ATP6V0A4: variants seen among roughly 807,000 people sequenced by gnomAD.
ATP6V0A4 encodes ATPase H+ transporting V0 subunit a4, also known as V-type proton ATPase 116 kDa subunit a 4.
A neutral mutation model predicts 107.3 loss-of-function variants in ATP6V0A4; 86 were observed. The observed-to-expected ratio is 0.80, with a 90% confidence interval of 0.67 to 0.96. ATP6V0A4 has a LOEUF of 0.96. Ranked by LOEUF, ATP6V0A4 falls within the 40% of genes least tolerant of loss-of-function variation. ATP6V0A4 has a pLI of 0.00. For synonymous variants in ATP6V0A4, 353 were observed against 381.4 expected (o/e 0.93, Z 0.87); for missense variants, 908 against 1,045.6 (o/e 0.87, Z 1.81).
chr7:138,777,637 C>T (rs1035666920), intron 2 of ATP6V0A4, among the ~76,000 whole-genome samples: 5,628 of 144,068 alleles, frequency 0.039, 162 homozygotes, highest in Non-Finnish European at 0.061. Context: ...AAAAAATACA[C>T]ACACACACAC....
At chr7:138,745,514 C>T (rs1477838401) in intron 13 of ATP6V0A4, among the ~76,000 whole-genome samples, 2 of 151,690 alleles carry the variant, frequency 1.3e-5, no homozygotes, top group Non-Finnish European at 2.9e-5. Flanking sequence ...AAACAAAAAC[C>T]ATATAGGCAA....
chr7:138,745,655 T>A (rs1805880878), intron 13 of ATP6V0A4, among the ~76,000 whole-genome samples: 1 of 27,716 alleles, frequency 3.6e-5, no homozygotes, highest in Non-Finnish European at 6.3e-5. Flanking sequence ...CCAGCCTGTG[T>A]CTCAAAAAAA....
intron 5 of ATP6V0A4, among the ~76,000 whole-genome samples, chr7:138,765,609 T>C (rs577881163): frequency 6.6e-6 from 1 of 152,138 alleles, no homozygotes; most frequent in South Asian, 2.1e-4. Flanking sequence ...TGCCAAAGGA[T>C]TCAACTCTCT....
At chr7:138,744,187 C>T (rs1444652905) in intron 14 of ATP6V0A4, among the ~76,000 whole-genome samples, 1 of 151,526 alleles carries the variant, frequency 6.6e-6, no homozygotes, top group Non-Finnish European at 1.5e-5. Context: ...CTGTCAGCCA[C>T]AGGACAAATA....
Position 138,762,360 on chromosome 7 carries a change from T to C in ATP6V0A4, c.492A>G (p.Ala164=), listed in dbSNP as rs201044613. Residue 164 remains alanine (A), a synonymous_variant, in exon 7 of 22, where the codon GCA becomes GCG. Coordinates refer to ENST00000310018, the MANE Select transcript of ATP6V0A4 (RefSeq NM_020632.3). Reference sequence around the variant, plus strand: ...CTAACCCCAACTTTCCGGTCATATATGCAGGCACTGCTTTCAACTCCAGGA... The same window carrying C: ...CTAACCCCAACTTTCCGGTCATATACGCAGGCACTGCTTTCAACTCCAGGA... ...SGLLELKAVP[A]YMTGKLGFIA... is the part of the protein sequence containing the mutation. The C allele has an allele frequency of 3.2e-5, 51 of 1,614,176 alleles. No homozygotes were observed. In the African/African-American group the frequency reaches 5.6e-4, roughly 18 times the overall value.
intron 20 of ATP6V0A4, among the ~76,000 whole-genome samples, chr7:138,711,944 C>T (rs1438635311): frequency 6.6e-6 from 1 of 151,946 alleles, no homozygotes; most frequent in Non-Finnish European, 1.5e-5. Flanking sequence ...CCTTTTTTTC[C>T]TTTTTCGAGA....
At chr7:138,752,010 T>C (rs1806253448) in intron 11 of ATP6V0A4, among the ~76,000 whole-genome samples, 1 of 151,914 alleles carries the variant, frequency 6.6e-6, no homozygotes, top group Non-Finnish European at 1.5e-5. Context: ...GAGGTCCCCA[T>C]CTTTAATAAG....
At chr7:138,777,322 A>T (rs1447524945) in intron 2 of ATP6V0A4, among the ~76,000 whole-genome samples, 1 of 151,502 alleles carries the variant, frequency 6.6e-6, no homozygotes. Flanking sequence ...TCACATTTTT[A>T]AAAATATTAT....
At chr7:138,747,329 T>G in intron 13 of ATP6V0A4, 96 bp downstream of exon 13, 1 of 1,483,674 alleles carries the variant, frequency 6.7e-7, no homozygotes, top group Non-Finnish European at 9.4e-7. Context: ...CTCTCCTTTA[T>G]TTTTCATAAA....
intron 13 of ATP6V0A4, among the ~76,000 whole-genome samples, chr7:138,746,453 C>G (rs541353936): frequency 6.6e-6 from 1 of 151,874 alleles, no homozygotes; most frequent in Non-Finnish European, 1.5e-5. Context: ...TCACTAACCT[C>G]GACATCGCTG....
intron 2 of ATP6V0A4, among the ~76,000 whole-genome samples, chr7:138,772,185 C>T (rs1199690107): frequency 1.3e-5 from 2 of 152,148 alleles, no homozygotes; most frequent in African/African-American, 4.8e-5. Flanking sequence ...AGCAATTTAT[C>T]AATGTCTATC....
chr7:138,791,854 C>T (rs550486761), intron 1 of ATP6V0A4, among the ~76,000 whole-genome samples: 7 of 152,082 alleles, frequency 4.6e-5, no homozygotes, highest in Non-Finnish European at 1.0e-4. Context: ...GATGGAAGAC[C>T]AGACATGCAG....
rs1297303388 is a variant in ATP6V0A4 at position 138,756,486 on chromosome 7, T to C, written c.694A>G (p.Arg232Gly). ...FIIFYQGEQL[R>G]QKIKKICDGF... ...TCACAGATCTTCTTGATTTTCTGCC[T>C]GAGCTGCTCTCCTTGGTAAAATATG... is the stretch of plus-strand genomic sequence containing the variant. Residue 232 changes from arginine (R) to glycine (G), a missense_variant, in exon 9 of 22, where the codon AGG becomes GGG. Coordinates refer to ENST00000310018, the MANE Select transcript of ATP6V0A4 (RefSeq NM_020632.3). 2 of 1,613,194 alleles carry C rather than the reference T, an allele frequency of 1.2e-6. No individual in the cohort carries two copies. Among genetic ancestry groups the C allele is most frequent in the Non-Finnish European group, 1.7e-6 (2 of 1,179,712 alleles).
In ATP6V0A4 at chr7:138,739,740, C is replaced by T. The variant is rs574300403; in HGVS notation, c.1479-107G>A. On this transcript the variant is annotated intron_variant, in intron 14 of 21. Coordinates refer to ENST00000310018, the MANE Select transcript of ATP6V0A4 (RefSeq NM_020632.3). ...GCCCATCAAAGTCCAACTACTGGTG[C>T]AATTCATCACTTTGGTTGGTTCAAT... is the stretch of plus-strand genomic sequence containing the variant. 94 of 1,538,566 alleles carry T rather than the reference C, an allele frequency of 6.1e-5. No individual in the cohort carries two copies. The South Asian group carries it at 1.1e-3, about 17-fold the overall frequency.
At chr7:138,746,147 G>T (rs1417685906) in intron 13 of ATP6V0A4, among the ~76,000 whole-genome samples, 1 of 150,296 alleles carries the variant, frequency 6.7e-6, no homozygotes, top group East Asian at 1.9e-4. Context: ...CTTGAAAGCA[G>T]GTGGCTGTTG....
rs190260245 is a variant in ATP6V0A4 at position 138,733,256 on chromosome 7, G to C, written c.1692-163C>G. On this transcript the variant is annotated intron_variant, in intron 16 of 21. Coordinates refer to ENST00000310018, the MANE Select transcript of ATP6V0A4 (RefSeq NM_020632.3). ...CACCCCCCCAGCAAACAGCAATCCT[G>C]TATGGATGCATAGAAAAGAAAATTG... 75 of 650,328 alleles carry C rather than the reference G, an allele frequency of 1.2e-4. No homozygotes were observed. In the African/African-American group the frequency reaches 1.7e-3, roughly 15 times the overall value. The allele number at this position is 650,328 out of a possible 1,614,324, so 40.3% of individuals were successfully genotyped here. A position where few individuals can be genotyped will look rare whatever the true frequency, so the allele number is the denominator to read the frequency against.
At chr7:138,796,283 G>A (rs1423964690) in intron 1 of ATP6V0A4, among the ~76,000 whole-genome samples, 1 of 151,840 alleles carries the variant, frequency 6.6e-6, no homozygotes, top group East Asian at 1.9e-4. Flanking sequence ...GCCTAAACTG[G>A]ACTTCTGTGC....
intron 1 of ATP6V0A4, among the ~76,000 whole-genome samples, chr7:138,789,159 C>G (rs1298605350): frequency 6.6e-6 from 1 of 151,914 alleles, no homozygotes; most frequent in Non-Finnish European, 1.5e-5. Flanking sequence ...ACTCCAAGAG[C>G]TGAGGCTATG....
intron 20 of ATP6V0A4, among the ~76,000 whole-genome samples, chr7:138,710,902 A>G (rs1029184461): frequency 6.6e-6 from 1 of 152,194 alleles, no homozygotes; most frequent in Non-Finnish European, 1.5e-5. Flanking sequence ...CCAAATTAAG[A>G]GCCAAGTCAG....
Sources: gnomAD v4.1 joint callset for allele counts (sites outside exome capture counted in the v4.1 genomes callset) on GRCh38, gnomAD v4.1.1 for gene constraint, MANE v1.5 for transcripts, NCBI Gene and HGNC (gene_info 2026-07-23, HGNC 2026-07-21) for gene names.